The following ACSS3 variants were observed in gnomAD, a reference collection of about 807,000 sequenced individuals.
The protein encoded by ACSS3 is acyl-CoA synthetase short chain family member 3, also known as acyl-CoA synthetase short-chain family member 3, mitochondrial.
ACSS3 carries 64 observed loss-of-function variants against 84.2 expected under a neutral mutation model. The ratio of observed to expected loss-of-function variants is 0.76; its 90% CI spans 0.62 to 0.94. The LOEUF (loss-of-function observed/expected upper bound fraction) is 0.94. Ranked by LOEUF, ACSS3 falls within the 40% of genes least tolerant of loss-of-function variation. The pLI, the probability that ACSS3 is intolerant of heterozygous loss-of-function variation, is 0.00. For missense variants in ACSS3, 815 were observed against 867.6 expected (o/e 0.94, Z 0.76); for synonymous variants, 317 against 310.1 (o/e 1.02, Z -0.23).
intron 11 of ACSS3, among the ~76,000 whole-genome samples, chr12:81,223,114 G>T (rs556340646): frequency 2.6e-5 from 4 of 152,154 alleles, no homozygotes; most frequent in South Asian, 4.1e-4. Flanking sequence ...AACTGCAATT[G>T]CCTTTCTTCC....
intron 8 of ACSS3, among the ~76,000 whole-genome samples, chr12:81,195,999 C>T (rs1362592499): frequency 6.6e-6 from 1 of 152,046 alleles, no homozygotes; most frequent in Non-Finnish European, 1.5e-5. Context: ...ACCAATCATA[C>T]TCTAAATTTT....
intron 8 of ACSS3, among the ~76,000 whole-genome samples, chr12:81,175,945 A>G (rs993823581): frequency 2.0e-5 from 3 of 152,192 alleles, no homozygotes; most frequent in Admixed American, 2.0e-4. Context: ...CCGAGGAACT[A>G]GAAAAACCAG....
At chr12:81,210,792 C>A (rs1470056982) in intron 9 of ACSS3, among the ~76,000 whole-genome samples, 1 of 152,140 alleles carries the variant, frequency 6.6e-6, no homozygotes, top group Non-Finnish European at 1.5e-5. Flanking sequence ...TTTTCTCTCT[C>A]CAGTCTCCCA....
chr12:81,212,429 A>C (rs1481773844), intron 9 of ACSS3, among the ~76,000 whole-genome samples: 2 of 152,212 alleles, frequency 1.3e-5, no homozygotes, highest in African/African-American at 4.8e-5. Context: ...ACTGAGACAC[A>C]GTCTAGGTGA....
intron 1 of ACSS3, among the ~76,000 whole-genome samples, chr12:81,104,507 TG>T (rs1473984974): frequency 3.9e-5 from 6 of 152,058 alleles, no homozygotes; most frequent in Admixed American, 6.5e-5. Context: ...CCTCCCTTGG[TG>T]GGGTCAGATT....
chr12:81,254,767 G>A (rs533157901), intron 15 of ACSS3, 90 bp from the exon 16 acceptor site: 7 of 1,044,986 alleles, frequency 6.7e-6, no homozygotes, highest in South Asian at 5.3e-5. Context: ...AGACAATGGG[G>A]AAAACAACAT....
In ACSS3 at chr12:81,181,747, C is replaced by CAAAAAAAAA. The variant is rs59878486; in HGVS notation, c.1250+6821_1250+6829dup. Reference sequence around the variant, plus strand: ...AAGCCAAAGATTTCAATCAATTAAGCAAAAAAAAAAAAAAAAAAAAAGCAA... The same window carrying CAAAAAAAAA: ...AAGCCAAAGATTTCAATCAATTAAGCAAAAAAAAAAAAAAAAAAAAAAAAAAAAAAGCAA... On this transcript the variant is annotated intron_variant, in intron 8 of 15. Coordinates refer to ENST00000548058, the MANE Select transcript of ACSS3 (RefSeq NM_024560.4). 4.5e-3 allele frequency among the ~76,000 whole-genome samples: 214 copies of CAAAAAAAAA among 47,890 alleles called. 2 individuals are homozygous for CAAAAAAAAA. Among genetic ancestry groups the CAAAAAAAAA allele is most frequent in the Non-Finnish European group, 5.2e-3 (144 of 27,654 alleles). 31.4% of individuals were successfully genotyped at this position (47,890 alleles called of 152,430 possible).
intron 1 of ACSS3, among the ~76,000 whole-genome samples, chr12:81,100,216 GT>G (rs34512313): frequency 0.38 from 39,757 of 105,806 alleles, 6,840 homozygotes; most frequent in Middle Eastern, 0.46. Flanking sequence ...AAAATTACCA[GT>G]TTTTTTTTTT....
Position 81,259,611 on chromosome 12 carries a change from C to T in ACSS3, c.*4689C>T. The stretch of plus-strand genomic sequence containing the variant: ...TTTCACAAAGGTTTTCACTGCTCGT[C>T]TTCTTAGATGGTAGTGCACTTTAGG... On this transcript the variant is annotated 3_prime_UTR_variant, in exon 16 of 16. Transcript: ENST00000548058. 6.5e-7 allele frequency: 1 copy of T among 1,529,476 alleles called. No individual in the cohort carries two copies. Among genetic ancestry groups the T allele is most frequent in the South Asian group, 1.2e-5 (1 of 83,886 alleles). 94.7% of individuals were successfully genotyped at this position (1,529,476 alleles called of 1,614,324 possible). A position where few individuals can be genotyped will look rare whatever the true frequency, so the allele number is the denominator to read the frequency against.
At chr12:81,133,343 C>A (rs1422220226) in intron 2 of ACSS3, among the ~76,000 whole-genome samples, 1 of 152,152 alleles carries the variant, frequency 6.6e-6, no homozygotes, top group Non-Finnish European at 1.5e-5. Context: ...TGGACAGTCA[C>A]ATTCAAAGGC....
chr12:81,225,405 T>A (rs554355527), intron 11 of ACSS3, among the ~76,000 whole-genome samples: 2 of 152,004 alleles, frequency 1.3e-5, no homozygotes, highest in African/African-American at 4.8e-5. Context: ...CAATTTCATA[T>A]CTTGCTTTTC....
chr12:81,231,545 T>C (rs1205901323), intron 12 of ACSS3, among the ~76,000 whole-genome samples: 4 of 151,894 alleles, frequency 2.6e-5, no homozygotes, highest in Non-Finnish European at 4.4e-5. Context: ...ACTGGTTATA[T>C]GAGCAAAATC....
At chr12:81,139,355 T>C (rs2097064824) in intron 4 of ACSS3, 90 bp downstream of exon 4, 1 of 1,409,304 alleles carries the variant, frequency 7.1e-7, no homozygotes, top group Non-Finnish European at 9.9e-7. Context: ...ATTTGATTTA[T>C]AAGCTATTAA....
chr12:81,242,539 G>A (rs1210949901), intron 13 of ACSS3, among the ~76,000 whole-genome samples: 1 of 150,420 alleles, frequency 6.6e-6, no homozygotes, highest in Non-Finnish European at 1.5e-5. Context: ...ACCAAAGCTG[G>A]GCAGAGACAC....
intron 2 of ACSS3, among the ~76,000 whole-genome samples, chr12:81,129,093 C>T (rs1345500472): frequency 6.6e-6 from 1 of 152,122 alleles, no homozygotes; most frequent in African/African-American, 2.4e-5. Context: ...TGAGGAGCAG[C>T]TGAAACAAGC....
chr12:81,173,601 T>A (rs868767110), intron 7 of ACSS3, among the ~76,000 whole-genome samples: 1 of 152,162 alleles, frequency 6.6e-6, no homozygotes, highest in Non-Finnish European at 1.5e-5. Flanking sequence ...TCATTTATAG[T>A]CCATTCCTTT....
chr12:81,239,832 CA>C (rs2033737597), intron 13 of ACSS3, among the ~76,000 whole-genome samples: 1 of 151,806 alleles, frequency 6.6e-6, no homozygotes, highest in Non-Finnish European at 1.5e-5. Flanking sequence ...CAATTTATCT[CA>C]AAAATAACAG....
intron 8 of ACSS3, among the ~76,000 whole-genome samples, chr12:81,196,802 T>C (rs1323326325): frequency 6.6e-6 from 1 of 152,040 alleles, no homozygotes; most frequent in Admixed American, 6.6e-5. Context: ...GGTGCCTGGC[T>C]CTTTAAACCA....
At chr12:81,199,929 G>A in intron 9 of ACSS3, 1 of 259,022 alleles carries the variant, frequency 3.9e-6, no homozygotes, top group South Asian at 4.1e-5. Flanking sequence ...AGGACTCTCT[G>A]GCCACCTTCT....
Sources: gnomAD v4.1 joint callset for allele counts (sites outside exome capture counted in the v4.1 genomes callset) on GRCh38, gnomAD v4.1.1 for gene constraint, MANE v1.5 for transcripts, NCBI Gene and HGNC (gene_info 2026-07-23, HGNC 2026-07-21) for gene names.